EYS: variants seen among roughly 807,000 people sequenced by gnomAD.
EYS encodes the protein protein eyes shut homolog.
Under a neutral mutation model 282.1 loss-of-function variants are expected in EYS, and 250 were observed. That is an observed-to-expected ratio of 0.89 (90% CI 0.80 to 0.98). EYS has a LOEUF of 0.98. Ranked by LOEUF, EYS falls within the 50% of genes least tolerant of loss-of-function variation. The pLI, the probability that EYS is intolerant of heterozygous loss-of-function variation, is 0.00. For missense variants in EYS, 4,016 were observed against 3,709.0 expected (o/e 1.08, Z -2.15); for synonymous variants, 1,355 against 1,282.9 (o/e 1.06, Z -1.20).
chr6:64,453,000 T>A (rs896122412), intron 26 of EYS, among the ~76,000 whole-genome samples: 2 of 152,108 alleles, frequency 1.3e-5, no homozygotes, highest in Non-Finnish European at 2.9e-5. Flanking sequence ...AAAGCCAAAG[T>A]TGACAAATGG....
At chr6:64,021,725 A>T (rs1769202015) in intron 33 of EYS, among the ~76,000 whole-genome samples, 1 of 152,210 alleles carries the variant, frequency 6.6e-6, no homozygotes, top group Non-Finnish European at 1.5e-5. Flanking sequence ...AAGAAGTTGT[A>T]GTCCAAGTCT....
At chr6:65,383,308 A>G (rs1038893531) in intron 8 of EYS, among the ~76,000 whole-genome samples, 8 of 151,810 alleles carry the variant, frequency 5.3e-5, no homozygotes, top group Non-Finnish European at 8.8e-5. Context: ...AAGTGTTTTG[A>G]GACAATTATA....
chr6:65,079,778 A>G (rs1331788526), intron 12 of EYS, among the ~76,000 whole-genome samples: 2 of 152,186 alleles, frequency 1.3e-5, no homozygotes, highest in East Asian at 1.9e-4. Context: ...TATTTTCTCT[A>G]TCTTCATACA....
intron 2 of EYS, among the ~76,000 whole-genome samples, chr6:65,595,146 A>C (rs532286018): frequency 5.9e-5 from 9 of 152,202 alleles, no homozygotes; most frequent in African/African-American, 1.7e-4. Context: ...CCATAAAAAA[A>C]CGATGAGTTC....
At chr6:65,683,179 T>C (rs1362968868) in intron 1 of EYS, among the ~76,000 whole-genome samples, 1 of 152,026 alleles carries the variant, frequency 6.6e-6, no homozygotes, top group Non-Finnish European at 1.5e-5. Flanking sequence ...ACGATAAAAA[T>C]TGCCAAATTG....
chr6:63,792,706 T>G (rs1224541141), intron 37 of EYS, among the ~76,000 whole-genome samples: 6 of 147,916 alleles, frequency 4.1e-5, no homozygotes, highest in African/African-American at 1.5e-4. Flanking sequence ...TCCCCAACTG[T>G]TTTTTTTTTC....
intron 35 of EYS, among the ~76,000 whole-genome samples, chr6:63,951,378 C>T (rs1387328234): frequency 6.6e-6 from 1 of 152,142 alleles, no homozygotes; most frequent in Non-Finnish European, 1.5e-5. Context: ...TCTGAGGTGC[C>T]TGATGTCCAG....
At chr6:64,360,869 A>G (rs1004391977) in intron 29 of EYS, among the ~76,000 whole-genome samples, 1 of 151,732 alleles carries the variant, frequency 6.6e-6, no homozygotes, top group Admixed American at 6.6e-5. Flanking sequence ...TTAACTTTTC[A>G]GTGCAATATG....
intron 36 of EYS, among the ~76,000 whole-genome samples, chr6:63,856,967 A>C (rs1247182673): frequency 1.3e-5 from 2 of 152,200 alleles, no homozygotes; most frequent in African/African-American, 4.8e-5. Flanking sequence ...CTTGACACTT[A>C]TATCACGATT....
chr6:64,614,022 G>A (rs1247325884), intron 24 of EYS, among the ~76,000 whole-genome samples: 1 of 152,006 alleles, frequency 6.6e-6, no homozygotes, highest in South Asian at 2.1e-4. Context: ...ACATTCGAAG[G>A]TCACAGACCA....
intron 22 of EYS, among the ~76,000 whole-genome samples, chr6:64,769,288 G>A: frequency 6.6e-6 from 1 of 151,978 alleles, no homozygotes; most frequent in East Asian, 1.9e-4. Flanking sequence ...TCTAAAGAAT[G>A]CCTAACTCTG....
chr6:64,704,528 TTATAA>T (rs1770924552), intron 22 of EYS, among the ~76,000 whole-genome samples: 1 of 139,390 alleles, frequency 7.2e-6, no homozygotes, highest in African/African-American at 2.6e-5. Context: ...ATTATAATAC[TTATAA>T]TAATATTATA....
intron 24 of EYS, among the ~76,000 whole-genome samples, chr6:64,594,626 G>A (rs1189053348): frequency 6.7e-6 from 1 of 148,900 alleles, no homozygotes; most frequent in Non-Finnish European, 1.5e-5. Flanking sequence ...TTACTCACAG[G>A]TGGGAATTGA....
chr6:64,359,146 T>A (rs1464413087), intron 29 of EYS, among the ~76,000 whole-genome samples: 1 of 151,704 alleles, frequency 6.6e-6, no homozygotes, highest in Non-Finnish European at 1.5e-5. Context: ...AACAAGAGCA[T>A]TAACAACTCT....
At chr6:64,917,855 A>C (rs942771232) in intron 15 of EYS, among the ~76,000 whole-genome samples, 8 of 152,292 alleles carry the variant, frequency 5.3e-5, no homozygotes, top group African/African-American at 1.7e-4. Flanking sequence ...TATTTCCTGC[A>C]ATCATTACAT....
intron 26 of EYS, among the ~76,000 whole-genome samples, chr6:64,492,677 G>C (rs970612376): frequency 6.6e-6 from 1 of 151,070 alleles, no homozygotes; most frequent in African/African-American, 2.4e-5. Context: ...CTCTACCCAG[G>C]GAGTTACTTC....
chr6:64,026,451 C>G (rs1391636240), intron 33 of EYS, among the ~76,000 whole-genome samples: 3 of 152,136 alleles, frequency 2.0e-5, no homozygotes, highest in African/African-American at 4.8e-5. Flanking sequence ...AAAGAGGCAG[C>G]TCATTTTGTT....
intron 31 of EYS, among the ~76,000 whole-genome samples, chr6:64,095,460 T>C (rs1042811806): frequency 1.1e-4 from 16 of 152,300 alleles, no homozygotes; most frequent in Admixed American, 3.3e-4. Flanking sequence ...CATATATATT[T>C]AGGATAGTTA....
At chr6:64,816,152 G>C (rs189242381) in intron 21 of EYS, among the ~76,000 whole-genome samples, 1 of 152,200 alleles carries the variant, frequency 6.6e-6, no homozygotes, top group Admixed American at 6.6e-5. Flanking sequence ...CAGATACAGA[G>C]AGAACTACTA....
Sources: gnomAD v4.1 joint callset for allele counts (sites outside exome capture counted in the v4.1 genomes callset) on GRCh38, gnomAD v4.1.1 for gene constraint, MANE v1.5 for transcripts, NCBI Gene and HGNC (gene_info 2026-07-23, HGNC 2026-07-21) for gene names.